Variants in KCNJ18 observed in about 807,000 individuals in gnomAD.
KCNJ18 encodes the protein inward rectifier potassium channel 18.
Under a neutral mutation model 17.3 loss-of-function variants are expected in KCNJ18, and 16 were observed. The ratio of observed to expected loss-of-function variants is 0.92; its 90% CI spans 0.62 to 1.40. The LOEUF (loss-of-function observed/expected upper bound fraction) is 1.40, where lower values mean the gene tolerates loss of function less well. Among genes scored for constraint, KCNJ18 ranks in the 40% most tolerant of loss-of-function variants. The pLI is 0.00. For missense variants in KCNJ18, 462 were observed against 626.8 expected (o/e 0.74, Z 2.81); for synonymous variants, 185 against 262.6 (o/e 0.70, Z 2.86).
intron 2 of KCNJ18, among the ~76,000 whole-genome samples, chr17:21,696,654 G>T (rs1242683953): frequency 6.6e-6 from 1 of 152,232 alleles, no homozygotes; most frequent in Non-Finnish European, 1.5e-5. Context: ...GTAGCTTCTG[G>T]CCTGAATGGG....
chr17:21,699,092 C>T (rs1371255060), intron 2 of KCNJ18, among the ~76,000 whole-genome samples: 2 of 152,180 alleles, frequency 1.3e-5, no homozygotes, highest in Non-Finnish European at 2.9e-5. Flanking sequence ...TGGGACAAGT[C>T]TCTTTTTCTT....
chr17:21,697,734 G>C (rs1376835407), intron 2 of KCNJ18, among the ~76,000 whole-genome samples: 6 of 152,428 alleles, frequency 3.9e-5, no homozygotes, highest in African/African-American at 1.2e-4. Flanking sequence ...CTATGTGATG[G>C]AGCAAGGGCA....
chr17:21,703,283 C>G lies in KCNJ18; in HGVS notation c.497C>G (p.Ser166Cys). The change falls in exon 3 of 3, where the codon TCC becomes TGC. Residue 166 changes from serine (S) to cysteine (C), a missense_variant. Transcript: ENST00000567955. ...GCCGTCTTCATGGTGGTGGCCCAGT[C>G]CATCGTGGGCTGCATCATCGACTCC... is the stretch of plus-strand genomic sequence containing the variant. Reference protein sequence around the residue: ...LVAVFMVVAQSIVGCIIDSFM... With the variant: ...LVAVFMVVAQCIVGCIIDSFM... The G allele has an allele frequency of 1.2e-6, 2 of 1,608,426 alleles. No homozygotes were observed. Among genetic ancestry groups the G allele is most frequent in the Non-Finnish European group, 1.7e-6 (2 of 1,176,944 alleles).
In KCNJ18 at chr17:21,704,187, G is replaced by A; in HGVS notation, c.*99G>A. On this transcript the variant is annotated 3_prime_UTR_variant, in exon 3 of 3. Coordinates refer to ENST00000567955, the MANE Select transcript of KCNJ18 (RefSeq NM_001194958.2). ...TTGAGCAGAACGGGCCCAGTGCCCT[G>A]GGTTGCAGACTCAGTAGCGTTTTAG... is the stretch of plus-strand genomic sequence containing the variant. 6 of 1,331,792 alleles carry A rather than the reference G, an allele frequency of 4.5e-6. No individual in the cohort carries two copies. Among genetic ancestry groups the A allele is most frequent in the African/African-American group, 1.5e-5 (1 of 67,398 alleles). 82.5% of individuals were successfully genotyped at this position (1,331,792 alleles called of 1,614,324 possible).
rs1292517102 is a variant in KCNJ18, at chr17:21,703,826, A to G, written c.1040A>G (p.Lys347Arg). 3.0e-5 allele frequency: 48 copies of G among 1,610,468 alleles called. No homozygotes were observed. Among genetic ancestry groups the G allele is most frequent in the Non-Finnish European group, 9.3e-6 (11 of 1,179,234 alleles). Reference protein sequence around the residue: ...QYKIDYSHFHKTYEVPSTPRC... With the variant: ...QYKIDYSHFHRTYEVPSTPRC... Reference sequence around the variant, plus strand: ...AAGATTGACTACTCGCACTTCCACAAGACCTATGAGGTGCCCTCTACGCCC... The same window carrying G: ...AAGATTGACTACTCGCACTTCCACAGGACCTATGAGGTGCCCTCTACGCCC... The change falls in exon 3 of 3, where the codon AAG (lysine) becomes AGG (arginine). Residue 347 changes from lysine to arginine, a missense_variant. Physicochemically the swap from Lys to Arg is conservative, Grantham distance 26. This residue lies in a region of KCNJ18 where 20 missense variants were observed against 61.7 expected (regional missense o/e 0.32). Coordinates refer to ENST00000567955, the MANE Select transcript of KCNJ18 (RefSeq NM_001194958.2).
rs1422654670 is a variant in KCNJ18, at chr17:21,704,378, G to A, written c.*290G>A. 1 of 408,964 alleles carries A rather than the reference G, an allele frequency of 2.4e-6. No individual in the cohort carries two copies. The highest frequency in any genetic ancestry group is 4.5e-6 in the Non-Finnish European group (1 of 222,806). 25.3% of individuals were successfully genotyped at this position (408,964 alleles called of 1,614,324 possible). On this transcript the variant is annotated 3_prime_UTR_variant, in exon 3 of 3. Coordinates refer to ENST00000567955, the MANE Select transcript of KCNJ18 (RefSeq NM_001194958.2). Reference sequence around the variant, plus strand: ...GCTTCTGCCTGAAGATGGAGCTGCAGCCTGCGGGGAAGCAGCCCAGCTCGA... The same window carrying A: ...GCTTCTGCCTGAAGATGGAGCTGCAACCTGCGGGGAAGCAGCCCAGCTCGA...
intron 2 of KCNJ18, among the ~76,000 whole-genome samples, chr17:21,701,991 G>A (rs1158209716): frequency 6.6e-6 from 1 of 152,284 alleles, no homozygotes; most frequent in East Asian, 1.9e-4. Flanking sequence ...TCAGGGTGGG[G>A]TTGATGGTTG....
chr17:21,693,898 T>A (rs1268718021), intron 1 of KCNJ18, among the ~76,000 whole-genome samples: 2 of 152,064 alleles, frequency 1.3e-5, no homozygotes, highest in African/African-American at 4.8e-5. Context: ...TGTAGGCCTG[T>A]GGCTTCTGCT....
intron 2 of KCNJ18, among the ~76,000 whole-genome samples, chr17:21,701,166 G>C (rs1905936104): frequency 6.6e-6 from 1 of 152,206 alleles, no homozygotes; most frequent in Non-Finnish European, 1.5e-5. Context: ...GGGGCCTTTA[G>C]TGGGGGCAGC....
At chr17:21,701,780 G>A (rs1905961591) in intron 2 of KCNJ18, among the ~76,000 whole-genome samples, 3 of 152,384 alleles carry the variant, frequency 2.0e-5, no homozygotes, top group South Asian at 2.1e-4. Flanking sequence ...ATGTGGTGGC[G>A]GGCACCTATA....
At chr17:21,692,925 A>C (rs1261765609) in intron 1 of KCNJ18, among the ~76,000 whole-genome samples, 158 of 152,376 alleles carry the variant, frequency 1.0e-3, no homozygotes, top group African/African-American at 3.7e-3. Flanking sequence ...CTCATTTTTC[A>C]GGGGAAGCTG....
intron 2 of KCNJ18, among the ~76,000 whole-genome samples, chr17:21,702,523 G>A (rs1201770243): frequency 6.6e-6 from 1 of 152,240 alleles, no homozygotes; most frequent in Non-Finnish European, 1.5e-5. Context: ...TGGAGCTGAG[G>A]TTTTTGGCTG....
intron 2 of KCNJ18, among the ~76,000 whole-genome samples, chr17:21,699,758 C>T (rs1192303093): frequency 1.3e-5 from 2 of 152,140 alleles, no homozygotes; most frequent in Non-Finnish European, 2.9e-5. Context: ...TCTGGGGTGC[C>T]CAGCCCTGGC....
At chr17:21,697,384 G>GGC (rs1905792489) in intron 2 of KCNJ18, among the ~76,000 whole-genome samples, 1 of 152,310 alleles carries the variant, frequency 6.6e-6, no homozygotes, top group Non-Finnish European at 1.5e-5. Flanking sequence ...GGTGGACAGA[G>GGC]GCCAGGTGAG....
At chr17:21,699,294 T>C (rs1342401566) in intron 2 of KCNJ18, among the ~76,000 whole-genome samples, 3 of 152,182 alleles carry the variant, frequency 2.0e-5, no homozygotes, top group African/African-American at 7.2e-5. Flanking sequence ...AATTGCGACC[T>C]TGAAGGCCGC....
In KCNJ18 at chr17:21,703,224, C is replaced by A. The variant is rs1443988703; in HGVS notation, c.438C>A (p.Tyr146Ter). Residue 146 changes from tyrosine to a stop codon, truncating the protein, a stop_gained, in exon 3 of 3, where the codon TAC (tyrosine) becomes TAA (stop). Transcript: ENST00000567955. LOFTEE classifies it high-confidence loss of function. ...FSIETQTTIG[Y>*]GLRCVTEECL... ...TCGAGACGCAGACCACCATCGGCTA[C>A]GGGCTGCGCTGTGTGACGGAGGAGT... The A allele has an allele frequency of 3.3e-5, 53 of 1,611,016 alleles. No homozygotes were observed. The East Asian group carries it at 1.1e-3, about 33-fold the overall frequency.
chr17:21,703,307 C>G lies in KCNJ18; in HGVS notation c.521C>G (p.Ser174Cys). The G allele has an allele frequency of 1.2e-6, 2 of 1,607,506 alleles. No homozygotes were observed. The highest frequency in any genetic ancestry group is 1.3e-5 in the African/African-American group (1 of 74,932). ...TCCATCGTGGGCTGCATCATCGACT[C>G]CTTCATGATTGGTGCCATCATGGCC... ...AQSIVGCIID[S>C]FMIGAIMAKM... Residue 174 changes from serine (S) to cysteine (C), a missense_variant, in exon 3 of 3, where the codon TCC (serine) becomes TGC (cysteine). This residue lies in a region of KCNJ18 where 237 missense variants were observed against 259.4 expected (regional missense o/e 0.91). Transcript: ENST00000567955.
chr17:21,703,550 TCGA>T lies in KCNJ18; in HGVS notation c.766_768del (p.Asp256del). On this transcript the variant is annotated inframe_deletion, in exon 3 of 3. Transcript: ENST00000567955. Reference sequence around the variant, plus strand: ...GACCAGATCGACATCGATGTGGGCTTCGACAAGGGCCTGGACCGCATCTTTCTG... The same window carrying T: ...GACCAGATCGACATCGATGTGGGCTTCAAGGGCCTGGACCGCATCTTTCTG... 6.2e-7 allele frequency: 1 copy of T among 1,611,242 alleles called. No homozygotes were observed. Among genetic ancestry groups the T allele is most frequent in the South Asian group, 1.1e-5 (1 of 90,608 alleles).
At chr17:21,694,059 T>C (rs1346111313) in intron 1 of KCNJ18, among the ~76,000 whole-genome samples, 71 of 152,192 alleles carry the variant, frequency 4.7e-4, no homozygotes, top group Admixed American at 3.6e-3. Context: ...GTCACACAGC[T>C]TATGAGGGGC....
Sources: allele counts gnomAD v4.1 joint callset (sites outside exome capture counted in the v4.1 genomes callset), GRCh38; gene constraint gnomAD v4.1.1; regional missense constraint gnomAD v4.1.1; transcripts MANE v1.5; gene names NCBI Gene and HGNC (gene_info 2026-07-23, HGNC 2026-07-21).